The following ZNF251 variants were observed in gnomAD, a reference collection of about 807,000 sequenced individuals.
ZNF251 encodes zinc finger protein 251.
Under a neutral mutation model 13.5 loss-of-function variants are expected in ZNF251, and 14 were observed. The observed-to-expected ratio is 1.04, with a 90% confidence interval of 0.69 to 1.63. The LOEUF (loss-of-function observed/expected upper bound fraction) is 1.63. Ranked by LOEUF, ZNF251 falls within the 40% of genes most tolerant of loss-of-function variation. ZNF251 has a pLI of 0.00. For missense variants in ZNF251, 764 were observed against 834.9 expected (o/e 0.92, Z 1.05); for synonymous variants, 287 against 295.2 (o/e 0.97, Z 0.28).
intron 4 of ZNF251, among the ~76,000 whole-genome samples, chr8:144,727,014 T>C (rs1207478333): frequency 2.0e-5 from 3 of 152,222 alleles, no homozygotes; most frequent in Non-Finnish European, 2.9e-5. Context: ...ATGGTGCCAC[T>C]GCACTCCAGT....
At chr8:144,738,877 G>T (rs548659189) in intron 4 of ZNF251, among the ~76,000 whole-genome samples, 3 of 152,232 alleles carry the variant, frequency 2.0e-5, no homozygotes, top group South Asian at 4.1e-4. Context: ...TGTTTGGGAA[G>T]AAGTTGCCTC....
intron 4 of ZNF251, among the ~76,000 whole-genome samples, chr8:144,743,550 A>G (rs1436705464): frequency 1.3e-5 from 2 of 152,248 alleles, no homozygotes; most frequent in African/African-American, 4.8e-5. Context: ...TTGTGTGGAC[A>G]TAAATTTTCA....
At chr8:144,754,901 G>A in intron 1 of ZNF251, 98 bp from the exon 2 acceptor site, 1 of 1,444,218 alleles carries the variant, frequency 6.9e-7, no homozygotes. Flanking sequence ...CTCCTGGGTC[G>A]CGGGAGGCAG....
At position 144,734,298 on chromosome 8, in the gene ZNF251, T is replaced by C. The variant is rs1278408675; in HGVS notation, c.278-10916A>G. Among the ~76,000 whole-genome samples the C allele has an allele frequency of 1.3e-5, 2 of 152,192 alleles. No individual in the cohort carries two copies. Among genetic ancestry groups the C allele is most frequent in the Admixed American group, 6.5e-5 (1 of 15,284 alleles). ...CCCTGCAGGGCTGGTCATGACCCCT[T>C]GCAAATATCCATGCTTTGTCCCTGT... On this transcript the variant is annotated intron_variant, in intron 4 of 4. Coordinates refer to ENST00000292562, the MANE Select transcript of ZNF251 (RefSeq NM_138367.2). The surrounding 1 kb of genome is among the most constrained non-coding windows in gnomAD (Gnocchi z 4.4).
intron 4 of ZNF251, among the ~76,000 whole-genome samples, chr8:144,732,638 C>T (rs1391805428): frequency 5.9e-5 from 9 of 151,620 alleles, no homozygotes; most frequent in Admixed American, 6.6e-5. Context: ...CGGTGAAACC[C>T]CGTCTCTACT....
rs1265152604 is a variant in ZNF251, at chr8:144,722,630, T to C, written c.1030A>G (p.Thr344Ala). ...PQLTQHQRIH[T>A]GEKPHECSHC... ...CTGCATTCATGCGGCTTCTCTCCAG[T>C]GTGAATTCTCTGATGCTGAGTTAAC... The change falls in exon 5 of 5, where the codon ACT (threonine) becomes GCT (alanine). Residue 344 changes from threonine to alanine, a missense_variant. Transcript: ENST00000292562. The surrounding 1 kb of genome is among the most constrained non-coding windows in gnomAD (Gnocchi z 4.8). 2.5e-6 allele frequency: 4 copies of C among 1,614,218 alleles called. No individual in the cohort carries two copies. Among genetic ancestry groups the C allele is most frequent in the Admixed American group, 3.3e-5 (2 of 60,032 alleles).
At position 144,721,820 on chromosome 8, in the gene ZNF251, C is replaced by T; in HGVS notation, c.1840G>A (p.Val614Ile). The part of the protein sequence containing the change: ...SGKSTLIQHQ[V>I]THTGQKPCHC... ...CATGGTTTCTGACCAGTGTGAGTTA[C>T]CTGATGTTGAATAAGGGTTGACTTT... The change falls in exon 5 of 5, where the codon GTA becomes ATA. Residue 614 changes from valine to isoleucine, a missense_variant. Transcript: ENST00000292562. 1 of 1,491,250 alleles carries T rather than the reference C, an allele frequency of 6.7e-7. No individual in the cohort carries two copies. The highest frequency in any genetic ancestry group is 8.9e-7 in the Non-Finnish European group (1 of 1,120,452). The allele number at this position is 1,491,250 out of a possible 1,614,324, so 92.4% of individuals were successfully genotyped here.
At chr8:144,741,494 G>A (rs1414400881) in intron 4 of ZNF251, among the ~76,000 whole-genome samples, 1 of 152,118 alleles carries the variant, frequency 6.6e-6, no homozygotes, top group African/African-American at 2.4e-5. Context: ...CAAGAAAATA[G>A]AGCACGTTTT....
rs368174324 is a variant in ZNF251, at chr8:144,729,540, G to A, written c.278-6158C>T. 2.8e-3 allele frequency among the ~76,000 whole-genome samples: 431 copies of A among 152,044 alleles called. 1 individual carries two copies. The highest frequency in any genetic ancestry group is 9.6e-3 in the African/African-American group (398 of 41,532). ...TTTAGTAGAGACGGGGTTTCACTGT[G>A]TTAACCAGGATGGTCTCGATCTCCT... On this transcript the variant is annotated intron_variant, in intron 4 of 4. Transcript: ENST00000292562.
intron 3 of ZNF251, 56 bp from the exon 4 acceptor site, chr8:144,753,852 A>C: frequency 7.4e-7 from 1 of 1,357,376 alleles, no homozygotes; most frequent in Non-Finnish European, 1.0e-6. Flanking sequence ...CTTCCAGGCC[A>C]GGTGTGGAGA....
At chr8:144,752,065 A>G (rs1824720212) in intron 4 of ZNF251, among the ~76,000 whole-genome samples, 1 of 152,098 alleles carries the variant, frequency 6.6e-6, no homozygotes, top group Admixed American at 6.5e-5. Flanking sequence ...AAAGTGAAGA[A>G]AAGACAATTC....
At chr8:144,728,851 G>A (rs1264170976) in intron 4 of ZNF251, among the ~76,000 whole-genome samples, 1 of 151,864 alleles carries the variant, frequency 6.6e-6, no homozygotes, top group East Asian at 1.9e-4. Flanking sequence ...ACAGTTTGGA[G>A]GCCCAGGGGG....
chr8:144,735,984 C>A (rs1823876248), intron 4 of ZNF251, among the ~76,000 whole-genome samples: 1 of 152,202 alleles, frequency 6.6e-6, no homozygotes, highest in Non-Finnish European at 1.5e-5. Flanking sequence ...GGACCCAGGC[C>A]TCACCATTAT....
chr8:144,741,516 G>A (rs1366212032), intron 4 of ZNF251, among the ~76,000 whole-genome samples: 1 of 152,172 alleles, frequency 6.6e-6, no homozygotes, highest in Non-Finnish European at 1.5e-5. Context: ...GTGAGAAAAG[G>A]AAATCAACCA....
At chr8:144,723,420 C>G in intron 4 of ZNF251, 38 bp from the exon 5 acceptor site, 2 of 1,390,296 alleles carry the variant, frequency 1.4e-6, no homozygotes, top group Non-Finnish European at 1.9e-6. Context: ...CTAGAGAAAA[C>G]CTTCCATCAG....
chr8:144,740,734 G>C (rs531889714), intron 4 of ZNF251, among the ~76,000 whole-genome samples: 1 of 152,058 alleles, frequency 6.6e-6, no homozygotes, highest in South Asian at 2.1e-4. Context: ...AGGAATTCGA[G>C]ACCAGCCTGA....
chr8:144,753,853 G>A (rs1025453555), intron 3 of ZNF251, 57 bp from the exon 4 acceptor site: 2 of 1,361,116 alleles, frequency 1.5e-6, no homozygotes, highest in East Asian at 2.5e-5. Context: ...TTCCAGGCCA[G>A]GTGTGGAGAG....
intron 4 of ZNF251, among the ~76,000 whole-genome samples, chr8:144,742,320 TG>T (rs1479356288): frequency 1.3e-5 from 2 of 151,598 alleles, no homozygotes; most frequent in African/African-American, 4.9e-5. Flanking sequence ...TGAAGGGAAA[TG>T]GTGCCAGCTA....
rs562959211 is a variant in ZNF251, at chr8:144,731,267, A to G, written c.278-7885T>C. Among the ~76,000 whole-genome samples, 9 of 152,356 alleles carry G rather than the reference A, an allele frequency of 5.9e-5. No homozygotes were observed. In the South Asian group the frequency reaches 1.9e-3, roughly 32 times the overall value. ...GTCAAAATGACCACAAACAGTGGCTATCAGAACCATAGTTTCACGAAACTA... is the reference window on the plus strand; with the variant it reads ...GTCAAAATGACCACAAACAGTGGCTGTCAGAACCATAGTTTCACGAAACTA... On this transcript the variant is annotated intron_variant, in intron 4 of 4. Coordinates refer to ENST00000292562, the MANE Select transcript of ZNF251 (RefSeq NM_138367.2).
Sources: allele counts gnomAD v4.1 joint callset (sites outside exome capture counted in the v4.1 genomes callset), GRCh38; gene constraint gnomAD v4.1.1; non-coding constraint Gnocchi (gnomAD v3.1); transcripts MANE v1.5; gene names NCBI Gene and HGNC (gene_info 2026-07-23, HGNC 2026-07-21).